Variants in MCTP1 observed in about 807,000 individuals in gnomAD.
MCTP1 encodes multiple C2 and transmembrane domain-containing protein 1.
MCTP1 carries 69 observed loss-of-function variants against 120.6 expected under a neutral mutation model. That is an observed-to-expected ratio of 0.57 (90% CI 0.47 to 0.70). The LOEUF (loss-of-function observed/expected upper bound fraction) is 0.70, where lower values mean the gene tolerates loss of function less well. Among genes scored for constraint, MCTP1 ranks in the 30% least tolerant of loss-of-function variants. The pLI, the probability that MCTP1 is intolerant of heterozygous loss-of-function variation, is 0.00. For synonymous variants in MCTP1, 529 were observed against 493.1 expected (o/e 1.07, Z -0.96); for missense variants, 1,203 against 1,248.8 (o/e 0.96, Z 0.55).
At chr5:95,075,355 C>A (rs1319450831) in intron 1 of MCTP1, among the ~76,000 whole-genome samples, 1 of 152,174 alleles carries the variant, frequency 6.6e-6, no homozygotes, top group Non-Finnish European at 1.5e-5. Flanking sequence ...CCCTTTTATT[C>A]TCTCTATAAT....
At chr5:94,876,909 C>T (rs1313809609) in intron 12 of MCTP1, among the ~76,000 whole-genome samples, 1 of 151,912 alleles carries the variant, frequency 6.6e-6, no homozygotes, top group African/African-American at 2.4e-5. Flanking sequence ...CTCTGCTCAC[C>T]CCAGAATTAT....
At chr5:94,823,298 A>C (rs1786114580) in intron 17 of MCTP1, among the ~76,000 whole-genome samples, 1 of 152,210 alleles carries the variant, frequency 6.6e-6, no homozygotes, top group Non-Finnish European at 1.5e-5. Flanking sequence ...CATTTATTAA[A>C]TAGAGAATCC....
chr5:94,773,854 C>T (rs951757852), intron 19 of MCTP1, among the ~76,000 whole-genome samples: 1 of 152,162 alleles, frequency 6.6e-6, no homozygotes, highest in Non-Finnish European at 1.5e-5. Flanking sequence ...TCCCACAACA[C>T]ATGGGAAATA....
intron 19 of MCTP1, among the ~76,000 whole-genome samples, chr5:94,742,130 A>G (rs1226039364): frequency 1.3e-5 from 2 of 152,204 alleles, no homozygotes; most frequent in Non-Finnish European, 2.9e-5. Context: ...GTGGAAGACT[A>G]TAGGAAGAAA....
chr5:94,908,102 T>A (rs1807404963), intron 10 of MCTP1, among the ~76,000 whole-genome samples: 1 of 152,010 alleles, frequency 6.6e-6, no homozygotes, highest in African/African-American at 2.4e-5. Flanking sequence ...TATAATGAAA[T>A]GCATTTAATG....
intron 12 of MCTP1, among the ~76,000 whole-genome samples, chr5:94,877,244 ATT>A (rs1354043680): frequency 6.6e-6 from 1 of 152,152 alleles, no homozygotes; most frequent in Non-Finnish European, 1.5e-5. Flanking sequence ...GCTTAAATGT[ATT>A]TGTATATTCC....
chr5:95,198,140 T>C (rs951266407), intron 1 of MCTP1, among the ~76,000 whole-genome samples: 7 of 152,118 alleles, frequency 4.6e-5, no homozygotes, highest in Admixed American at 3.3e-4. Flanking sequence ...TGTGTATATA[T>C]ACATATATGC....
At chr5:95,039,222 T>C (rs965871794) in intron 1 of MCTP1, among the ~76,000 whole-genome samples, 1 of 152,202 alleles carries the variant, frequency 6.6e-6, no homozygotes, top group African/African-American at 2.4e-5. Context: ...TAAATTTGAT[T>C]GTTCAAAAAA....
intron 17 of MCTP1, among the ~76,000 whole-genome samples, chr5:94,811,410 C>G (rs1027096294): frequency 2.0e-5 from 3 of 152,156 alleles, no homozygotes; most frequent in Non-Finnish European, 2.9e-5. Context: ...CTAGTTTAGA[C>G]AGCAAGCAAG....
intron 5 of MCTP1, 67 bp downstream of exon 5, chr5:94,940,017 G>T: frequency 2.3e-6 from 2 of 868,482 alleles, no homozygotes; most frequent in South Asian, 1.8e-5. Flanking sequence ...TATCATCTCT[G>T]GGTCCAGAGA....
In MCTP1 at chr5:94,704,284, CGTTTTTCAAGAAGTATAATGGTAGCT is replaced by C. The variant is rs1159690019; in HGVS notation, c.*3186_*3211del. 1.3e-5 allele frequency: 2 copies of C among 151,564 alleles called. No homozygotes were observed. The highest frequency in any genetic ancestry group is 4.8e-5 in the African/African-American group (2 of 41,358). 9.4% of individuals were successfully genotyped at this position (151,564 alleles called of 1,614,324 possible). A position where few individuals can be genotyped will look rare whatever the true frequency, so the allele number is the denominator to read the frequency against. On this transcript the variant is annotated 3_prime_UTR_variant, in exon 23 of 23. Coordinates refer to ENST00000515393, the MANE Select transcript of MCTP1 (RefSeq NM_024717.7). ...AGTATTAATTTAGCAATACCTGAGA[CGTTTTTCAAGAAGTATAATGGTAGCT>C]GTCTTTACTTGTATTTCTGGAGCAA...
intron 12 of MCTP1, among the ~76,000 whole-genome samples, chr5:94,885,301 G>GAA (rs1218534202): frequency 1.0e-3 from 118 of 116,750 alleles, no homozygotes; most frequent in African/African-American, 3.0e-3. Flanking sequence ...TAGGAGCTCA[G>GAA]AAAAAAAAAA....
chr5:94,808,842 T>G (rs1010950347), intron 17 of MCTP1, among the ~76,000 whole-genome samples: 7 of 152,138 alleles, frequency 4.6e-5, no homozygotes, highest in African/African-American at 1.7e-4. Context: ...CTTTATTTAT[T>G]GGTGGTGTTG....
intron 2 of MCTP1, among the ~76,000 whole-genome samples, chr5:94,971,374 AATGGGGCAGAGC>A (rs1826826374): frequency 6.6e-6 from 1 of 152,142 alleles, no homozygotes; most frequent in African/African-American, 2.4e-5. Context: ...TTTAAAAAAA[AATGGGGCAGAGC>A]ATCATTTGTT....
At chr5:95,212,161 G>A (rs1156548650) in intron 1 of MCTP1, among the ~76,000 whole-genome samples, 4 of 151,892 alleles carry the variant, frequency 2.6e-5, no homozygotes, top group East Asian at 1.9e-4. Context: ...TCAAATAGAC[G>A]CAATAAAAGA....
At chr5:94,854,001 A>G (rs1794261397) in intron 17 of MCTP1, among the ~76,000 whole-genome samples, 1 of 151,778 alleles carries the variant, frequency 6.6e-6, no homozygotes, top group Non-Finnish European at 1.5e-5. Flanking sequence ...AGTGGAGGTA[A>G]TATCAGAATA....
chr5:95,210,890 C>T (rs1445024095), intron 1 of MCTP1, among the ~76,000 whole-genome samples: 1 of 152,006 alleles, frequency 6.6e-6, no homozygotes, highest in East Asian at 1.9e-4. Flanking sequence ...AATCTCTCAG[C>T]ATTTGCTTGT....
intron 1 of MCTP1, among the ~76,000 whole-genome samples, chr5:95,191,519 A>G (rs1019979975): frequency 5.3e-5 from 8 of 151,998 alleles, no homozygotes; most frequent in East Asian, 1.9e-4. Flanking sequence ...CACCCAAAGA[A>G]GCAATTTGTT....
At chr5:95,259,615 G>A (rs1046040867) in intron 1 of MCTP1, among the ~76,000 whole-genome samples, 2 of 152,088 alleles carry the variant, frequency 1.3e-5, no homozygotes, top group Non-Finnish European at 2.9e-5. Flanking sequence ...CTGTACCCTG[G>A]TGGGGGCCCT....
Sources: gnomAD v4.1 joint callset for allele counts (sites outside exome capture counted in the v4.1 genomes callset) on GRCh38, gnomAD v4.1.1 for gene constraint, MANE v1.5 for transcripts, NCBI Gene and HGNC (gene_info 2026-07-23, HGNC 2026-07-21) for gene names.